TGFB2: variants seen among roughly 807,000 people sequenced by gnomAD.
The protein encoded by TGFB2 is transforming growth factor beta 2, also known as transforming growth factor beta-2 proprotein.
A neutral mutation model predicts 42.7 loss-of-function variants in TGFB2; 13 were observed. The observed-to-expected ratio is 0.30, with a 90% CI of 0.20 to 0.48. The LOEUF is 0.48. Ranked by LOEUF, TGFB2 falls within the 20% of genes least tolerant of loss-of-function variation. The pLI, the probability that TGFB2 is intolerant of heterozygous loss-of-function variation, is 0.99. For missense variants in TGFB2, 390 were observed against 517.5 expected (o/e 0.75, Z 2.39); for synonymous variants, 193 against 193.6 (o/e 1.00, Z 0.03).
rs148936480 is a variant in TGFB2 at position 218,360,025 on chromosome 1, C to A, written c.346+12978C>A. On this transcript the variant is annotated intron_variant, in intron 1 of 6. Transcript: ENST00000366930. ...GAGGTTCTGTAAAAGGCCTTGCTAACCTGTAAGGCATAATAACCTGTACCA... is the reference window on the plus strand; with the variant it reads ...GAGGTTCTGTAAAAGGCCTTGCTAAACTGTAAGGCATAATAACCTGTACCA... Among the ~76,000 whole-genome samples the A allele has an allele frequency of 2.8e-3, 430 of 152,252 alleles. 1 individual carries two copies. Among genetic ancestry groups the A allele is most frequent in the African/African-American group, 9.9e-3 (410 of 41,544 alleles).
intron 1 of TGFB2, among the ~76,000 whole-genome samples, chr1:218,389,245 T>G (rs902597300): frequency 6.6e-6 from 1 of 152,140 alleles, no homozygotes; most frequent in African/African-American, 2.4e-5. Context: ...GACTTAGCTG[T>G]TTGAGAGCGA....
chr1:218,405,986 TG>T (rs1658898572), intron 2 of TGFB2, among the ~76,000 whole-genome samples: 1 of 152,160 alleles, frequency 6.6e-6, no homozygotes, highest in African/African-American at 2.4e-5. Context: ...GATTTCTTCC[TG>T]GGGAACAGTC....
intron 1 of TGFB2, among the ~76,000 whole-genome samples, chr1:218,376,643 G>C (rs1045082405): frequency 2.0e-5 from 3 of 152,148 alleles, no homozygotes; most frequent in African/African-American, 7.2e-5. Context: ...CCCCACCTAA[G>C]TGGGATGAAT....
Position 218,441,298 on chromosome 1 carries a change from T to C in TGFB2, c.1181T>C (p.Ile394Thr), listed in dbSNP as rs886045980. 5.6e-6 allele frequency: 9 copies of C among 1,613,580 alleles called. No homozygotes were observed. Among genetic ancestry groups the C allele is most frequent in the East Asian group, 4.5e-5 (2 of 44,876 alleles). ...DLEPLTILYY[I>T]GKTPKIEQLS... ...GAACCTCTAACCATTCTCTACTACATTGGCAAAACACCCAAGATTGAACAG... is the reference window on the plus strand; with the variant it reads ...GAACCTCTAACCATTCTCTACTACACTGGCAAAACACCCAAGATTGAACAG... Residue 394 changes from isoleucine to threonine, a missense_variant, in exon 7 of 7, where the codon ATT becomes ACT. Ile to Thr is a moderately conservative substitution (Grantham distance 89). Coordinates refer to ENST00000366930, the MANE Select transcript of TGFB2 (RefSeq NM_003238.6).
chr1:218,388,760 G>A (rs888640129), intron 1 of TGFB2, among the ~76,000 whole-genome samples: 15 of 152,178 alleles, frequency 9.9e-5, no homozygotes, highest in Admixed American at 2.0e-4. Context: ...AGATACTTCC[G>A]CTCTCAGCAC....
At chr1:218,381,799 A>C (rs1376225330) in intron 1 of TGFB2, among the ~76,000 whole-genome samples, 1 of 152,170 alleles carries the variant, frequency 6.6e-6, no homozygotes, top group African/African-American at 2.4e-5. Flanking sequence ...CAGAGGTAGT[A>C]GATGAGATAG....
At chr1:218,376,438 G>T (rs745473861) in intron 1 of TGFB2, among the ~76,000 whole-genome samples, 10 of 152,144 alleles carry the variant, frequency 6.6e-5, no homozygotes, top group Non-Finnish European at 1.5e-4. Flanking sequence ...AGCATATACT[G>T]CCTTAAGAAT....
intron 1 of TGFB2, among the ~76,000 whole-genome samples, chr1:218,396,574 A>C (rs938712831): frequency 1.3e-5 from 2 of 152,022 alleles, no homozygotes; most frequent in South Asian, 4.2e-4. Context: ...ATTTTTAGAA[A>C]ATTATTTTTA....
intron 2 of TGFB2, among the ~76,000 whole-genome samples, chr1:218,407,373 C>A (rs1464196328): frequency 6.6e-6 from 1 of 152,188 alleles, no homozygotes; most frequent in Non-Finnish European, 1.5e-5. Flanking sequence ...AGGCACTGTG[C>A]CTGGCCCCAG....
chr1:218,402,575 A>T (rs1658761081), intron 1 of TGFB2, among the ~76,000 whole-genome samples: 1 of 152,232 alleles, frequency 6.6e-6, no homozygotes, highest in African/African-American at 2.4e-5. Flanking sequence ...AATAAACACA[A>T]AAGAGATAAA....
chr1:218,435,729 C>G (rs1465202777), intron 4 of TGFB2, among the ~76,000 whole-genome samples: 5 of 152,212 alleles, frequency 3.3e-5, no homozygotes. Flanking sequence ...ACCAACAGCC[C>G]TGGCTTTGAC....
intron 2 of TGFB2, among the ~76,000 whole-genome samples, chr1:218,415,276 A>G (rs1195425467): frequency 2.0e-5 from 3 of 152,206 alleles, no homozygotes; most frequent in Non-Finnish European, 4.4e-5. Flanking sequence ...TCTGTTAAAA[A>G]TGAATGCTTC....
chr1:218,354,771 T>C (rs1014435153), intron 1 of TGFB2, among the ~76,000 whole-genome samples: 3 of 152,250 alleles, frequency 2.0e-5, no homozygotes, highest in African/African-American at 7.2e-5. Context: ...AAGAATTACA[T>C]TCACAAGCAC....
intron 2 of TGFB2, among the ~76,000 whole-genome samples, chr1:218,415,699 GAAAAA>G (rs1174137652): frequency 3.2e-5 from 2 of 61,678 alleles, no homozygotes; most frequent in African/African-American, 5.2e-5. Context: ...TGTCTCAAAA[GAAAAA>G]AAAAAAAAAA....
intron 1 of TGFB2, among the ~76,000 whole-genome samples, chr1:218,385,409 AC>A (rs1658100334): frequency 6.6e-6 from 1 of 152,242 alleles, no homozygotes; most frequent in Non-Finnish European, 1.5e-5. Flanking sequence ...GCCTGTGATC[AC>A]CGGTTCACAG....
At chr1:218,430,483 C>T (rs1659772310) in intron 2 of TGFB2, among the ~76,000 whole-genome samples, 2 of 152,086 alleles carry the variant, frequency 1.3e-5, no homozygotes, top group South Asian at 4.2e-4. Flanking sequence ...CAACTACTAA[C>T]ATTCAATACT....
rs886045984 is a variant in TGFB2, at chr1:218,442,324, A to G, written c.*962A>G. The G allele has an allele frequency of 6.6e-6, 1 of 152,158 alleles. No individual in the cohort carries two copies. The allele number at this position is 152,158 out of a possible 1,614,324, so 9.4% of individuals were successfully genotyped here. On this transcript the variant is annotated 3_prime_UTR_variant, in exon 7 of 7. Transcript: ENST00000366930. ...ATATGTAACCATACCTATATTATTA[A>G]AATAGATGGATATAGAAGCCAGCAT...
intron 2 of TGFB2, among the ~76,000 whole-genome samples, chr1:218,421,349 A>G (rs1659447700): frequency 6.7e-6 from 1 of 148,900 alleles, no homozygotes; most frequent in South Asian, 2.2e-4. Flanking sequence ...GGGTTTCTGG[A>G]TGTGTTTAAA....
intron 1 of TGFB2, among the ~76,000 whole-genome samples, chr1:218,366,389 C>G (rs1334752033): frequency 6.6e-6 from 1 of 152,066 alleles, no homozygotes; most frequent in South Asian, 2.1e-4. Context: ...TCACTGTAAC[C>G]TCTAACTCCT....
Sources: allele counts gnomAD v4.1 joint callset (sites outside exome capture counted in the v4.1 genomes callset), GRCh38; gene constraint gnomAD v4.1.1; transcripts MANE v1.5; gene names NCBI Gene and HGNC (gene_info 2026-07-23, HGNC 2026-07-21).